The following EEA1 variants were observed in gnomAD, a reference collection of about 807,000 sequenced individuals.
EEA1 encodes the protein early endosome antigen 1.
In EEA1, 111 loss-of-function variants were observed where a neutral mutation model predicts 209.2. That is an observed-to-expected ratio of 0.53 (90% confidence interval 0.45 to 0.62). The LOEUF is 0.62. EEA1 is among the 20% of genes least tolerant of loss of function. The pLI is 0.00. For missense variants in EEA1, 1,343 were observed against 1,530.8 expected (o/e 0.88, Z 2.05); for synonymous variants, 536 against 540.6 (o/e 0.99, Z 0.12).
chr12:92,781,009 C>G (rs1873881559), intron 23 of EEA1, among the ~76,000 whole-genome samples: 1 of 152,200 alleles, frequency 6.6e-6, no homozygotes, highest in Non-Finnish European at 1.5e-5. Flanking sequence ...CTCCCAGGCT[C>G]AAGCTATCCT....
At chr12:92,842,837 T>C (rs1592731921) in intron 9 of EEA1, among the ~76,000 whole-genome samples, 1 of 152,360 alleles carries the variant, frequency 6.6e-6, no homozygotes, top group South Asian at 2.1e-4. Flanking sequence ...ACTTTAAGTT[T>C]CTGAAGTATC....
At chr12:92,872,208 C>A (rs913554302) in intron 2 of EEA1, among the ~76,000 whole-genome samples, 3 of 152,108 alleles carry the variant, frequency 2.0e-5, no homozygotes, top group African/African-American at 7.2e-5. Flanking sequence ...GCCACCACAC[C>A]TGGCCAATTT....
chr12:92,832,507 C>A lies in EEA1; in HGVS notation c.1254+5G>T, dbSNP rs1331041364. 6.2e-7 allele frequency: 1 copy of A among 1,601,538 alleles called. No individual in the cohort carries two copies. On this transcript the variant is annotated splice_donor_5th_base_variant and intron_variant, in intron 11 of 28. Transcript: ENST00000322349. The stretch of plus-strand genomic sequence containing the variant: ...ATTACAATAAATAAAATTAACAGCT[C>A]TTACTTGATTAATTTCACTTTGGAG...
At chr12:92,891,824 T>C (rs1879666170) in intron 1 of EEA1, 103 bp from the exon 2 acceptor site, 3 of 752,642 alleles carry the variant, frequency 4.0e-6, no homozygotes, top group African/African-American at 1.7e-5. Context: ...GAAAAGTAGA[T>C]GTCTTTACAA....
intron 1 of EEA1, among the ~76,000 whole-genome samples, chr12:92,920,300 A>G (rs2136786488): frequency 8.9e-6 from 1 of 112,674 alleles, no homozygotes; most frequent in South Asian, 2.5e-4. Flanking sequence ...GTCAATCCTA[A>G]GCCAAAAGAA....
rs1875942762 is a variant in EEA1, at chr12:92,819,344, G to A, written c.1692C>T (p.Asn564=). 6.2e-7 allele frequency: 1 copy of A among 1,612,160 alleles called. No homozygotes were observed. The highest frequency in any genetic ancestry group is 8.5e-7 in the Non-Finnish European group (1 of 1,179,180). Residue 564 remains asparagine (N), a synonymous_variant, in exon 14 of 29, where the codon AAC becomes AAT. Transcript: ENST00000322349. ...QAGEGETAVL[N]QLQEKNHTLQ... The stretch of plus-strand genomic sequence containing the variant: ...GTGTATGGTTTTTTTCTTGTAACTG[G>A]TTAAGAACAGCAGTCTCTCCTTCAC...
At chr12:92,776,720 G>C in intron 28 of EEA1, 124 bp downstream of exon 28, 1 of 880,756 alleles carries the variant, frequency 1.1e-6, no homozygotes. Flanking sequence ...CTATGTTGTT[G>C]TTAAAGTTTA....
At chr12:92,921,845 C>G (rs61935351) in intron 1 of EEA1, among the ~76,000 whole-genome samples, 1 of 118,322 alleles carries the variant, frequency 8.5e-6, no homozygotes, top group African/African-American at 3.3e-5. Context: ...TCCAGCCTGG[C>G]GACAGAGCAA....
At chr12:92,868,451 T>C (rs1878496477) in intron 2 of EEA1, among the ~76,000 whole-genome samples, 1 of 152,242 alleles carries the variant, frequency 6.6e-6, no homozygotes, top group South Asian at 2.1e-4. Context: ...ACATCCCTAT[T>C]ACACGATTTA....
chr12:92,868,934 C>T (rs187067644), intron 2 of EEA1, among the ~76,000 whole-genome samples: 1 of 152,074 alleles, frequency 6.6e-6, no homozygotes, highest in East Asian at 1.9e-4. Flanking sequence ...TGTATTTCAA[C>T]AGTCATTACT....
chr12:92,853,749 A>G (rs1010863161), intron 6 of EEA1, among the ~76,000 whole-genome samples, 166 bp downstream of exon 6: 1 of 152,226 alleles, frequency 6.6e-6, no homozygotes, highest in African/African-American at 2.4e-5. Flanking sequence ...TATGAAGTTC[A>G]CATGTAACTC....
chr12:92,908,307 T>A (rs968906591), intron 1 of EEA1, among the ~76,000 whole-genome samples: 2 of 152,176 alleles, frequency 1.3e-5, no homozygotes, highest in African/African-American at 4.8e-5. Flanking sequence ...GGAATTGTGG[T>A]TACAGTGGGT....
At chr12:92,866,095 A>T (rs1341985548) in intron 2 of EEA1, among the ~76,000 whole-genome samples, 1 of 149,116 alleles carries the variant, frequency 6.7e-6, no homozygotes, top group Non-Finnish European at 1.5e-5. Flanking sequence ...AGGAGGCTGA[A>T]GTAGGAGAAT....
intron 2 of EEA1, among the ~76,000 whole-genome samples, chr12:92,882,347 A>T (rs1879184271): frequency 6.6e-6 from 1 of 151,460 alleles, no homozygotes; most frequent in African/African-American, 2.4e-5. Context: ...ACCTCAGGTG[A>T]TCTGCCCGCC....
chr12:92,817,304 T>C (rs1043876849), intron 14 of EEA1, among the ~76,000 whole-genome samples: 4 of 145,914 alleles, frequency 2.7e-5, no homozygotes, highest in African/African-American at 1.1e-4. Flanking sequence ...GTACATCCAA[T>C]AAAATTTTCA....
At chr12:92,906,654 C>T (rs1345151337) in intron 1 of EEA1, among the ~76,000 whole-genome samples, 1 of 151,898 alleles carries the variant, frequency 6.6e-6, no homozygotes, top group African/African-American at 2.4e-5. Context: ...CTACTAAAAA[C>T]ACAAAAAAGG....
At chr12:92,840,868 T>G (rs559826194) in intron 10 of EEA1, among the ~76,000 whole-genome samples, 30 of 152,112 alleles carry the variant, frequency 2.0e-4, no homozygotes, top group Non-Finnish European at 3.8e-4. Flanking sequence ...ACTCTAACCC[T>G]CAAGGAGATG....
At chr12:92,802,834 T>C (rs1277588851) in intron 18 of EEA1, 100 bp from the exon 19 acceptor site, 1 of 949,828 alleles carries the variant, frequency 1.1e-6, no homozygotes, top group Non-Finnish European at 1.5e-6. Flanking sequence ...TTCTGAAACT[T>C]TTTTGTATAG....
chr12:92,923,225 G>A (rs529386558), intron 1 of EEA1, among the ~76,000 whole-genome samples: 10 of 151,994 alleles, frequency 6.6e-5, no homozygotes, highest in African/African-American at 1.4e-4. Context: ...GTGGGCGCCT[G>A]TAGTCCCAGC....
Sources: allele counts gnomAD v4.1 joint callset (sites outside exome capture counted in the v4.1 genomes callset), GRCh38; gene constraint gnomAD v4.1.1; transcripts MANE v1.5; gene names NCBI Gene and HGNC (gene_info 2026-07-23, HGNC 2026-07-21).